The following MYCBP2 variants were observed in gnomAD, a reference collection of about 807,000 sequenced individuals.
The protein encoded by MYCBP2 is MYC binding protein 2.
In MYCBP2, 120 loss-of-function variants were observed where a neutral mutation model predicts 525.3. The observed-to-expected ratio is 0.23, with a 90% CI of 0.20 to 0.27. The LOEUF (loss-of-function observed/expected upper bound fraction) is 0.27. MYCBP2 is among the 10% of genes least tolerant of loss of function. The pLI is 1.00. For synonymous variants in MYCBP2, 1,894 were observed against 1,955.8 expected (o/e 0.97, Z 0.83); for missense variants, 4,149 against 5,657.1 (o/e 0.73, Z 8.55).
At position 77,090,142 on chromosome 13, in the gene MYCBP2, C is replaced by A; in HGVS notation, c.10489G>T (p.Ala3497Ser). 6.2e-7 allele frequency: 1 copy of A among 1,612,410 alleles called. No homozygotes were observed. Among genetic ancestry groups the A allele is most frequent in the African/African-American group, 1.3e-5 (1 of 74,952 alleles). The change falls in exon 60 of 83, where the codon GCT (alanine) becomes TCT (serine). Residue 3497 changes from alanine to serine, a missense_variant. Physicochemically the swap from Ala to Ser is moderately conservative, Grantham distance 99 (BLOSUM62 1). Coordinates refer to ENST00000544440, the MANE Select transcript of MYCBP2 (RefSeq NM_015057.5). ...QHSILPARVKAIPRRRVNSGD... is the reference protein window; with the variant it reads ...QHSILPARVKSIPRRRVNSGD... ...CTGTTAACTCTTCTTCTAGGAATAG[C>A]TTTAACTCGTGCAGGTAAAATGGAG...
intron 17 of MYCBP2, among the ~76,000 whole-genome samples, chr13:77,233,894 G>C (rs918407925): frequency 3.3e-5 from 5 of 151,666 alleles, no homozygotes; most frequent in Non-Finnish European, 7.4e-5. Flanking sequence ...GAGAGAGAGA[G>C]AGAAAGGAGC....
At chr13:77,131,674 AGAT>A (rs1360729159) in intron 52 of MYCBP2, among the ~76,000 whole-genome samples, 1 of 152,206 alleles carries the variant, frequency 6.6e-6, no homozygotes, top group African/African-American at 2.4e-5. Flanking sequence ...ATAATTTCAC[AGAT>A]TATTATAAGC....
chr13:77,208,201 G>A (rs2063571806), intron 23 of MYCBP2, among the ~76,000 whole-genome samples: 1 of 151,992 alleles, frequency 6.6e-6, no homozygotes, highest in Non-Finnish European at 1.5e-5. Context: ...AACCTCTTCA[G>A]AAAAAGTACA....
In MYCBP2 at chr13:77,261,993, T is replaced by C. The variant is rs1300228045; in HGVS notation, c.1647+60A>G. 6.1e-6 allele frequency: 8 copies of C among 1,318,304 alleles called. No homozygotes were observed. The South Asian group carries it at 6.3e-5, about 10-fold the overall frequency. The allele number at this position is 1,318,304 out of a possible 1,614,324, so 81.7% of individuals were successfully genotyped here. ...CAAACTATATAAACTAATCAACAGA[T>C]TGTATTTTAATCTCTTAAATCAGAG... On this transcript the variant is annotated intron_variant, in intron 11 of 82. Transcript: ENST00000544440.
chr13:77,090,285 A>G (rs1339214557), intron 59 of MYCBP2, 22 bp from the exon 60 acceptor site: 12 of 1,574,208 alleles, frequency 7.6e-6, no homozygotes, highest in Non-Finnish European at 1.0e-5. Context: ...ACAATGCAAC[A>G]GATACAAACT....
At chr13:77,196,098 G>C (rs1299500207) in intron 26 of MYCBP2, among the ~76,000 whole-genome samples, 1 of 152,212 alleles carries the variant, frequency 6.6e-6, no homozygotes, top group Non-Finnish European at 1.5e-5. Context: ...ATGAAGCTCT[G>C]AAGGTGATGG....
intron 31 of MYCBP2, 144 bp from the exon 32 acceptor site, chr13:77,185,521 T>A: frequency 1.1e-6 from 1 of 904,456 alleles, no homozygotes; most frequent in Non-Finnish European, 1.6e-6. Context: ...AGATTAAGTG[T>A]AGTCCCAATT....
chr13:77,081,704 A>T lies in MYCBP2; in HGVS notation c.11194-53T>A. On this transcript the variant is annotated intron_variant, in intron 64 of 82. Transcript: ENST00000544440. The surrounding 1 kb of genome is among the most constrained non-coding windows in gnomAD (Gnocchi z 4.6). ...GATACTTAAAAGCAAATCTTTCGTGATGATAAAACAAACAGGTATAAGATA... is the reference window on the plus strand; with the variant it reads ...GATACTTAAAAGCAAATCTTTCGTGTTGATAAAACAAACAGGTATAAGATA... The T allele has an allele frequency of 1.9e-6, 3 of 1,542,662 alleles. No homozygotes were observed. The highest frequency in any genetic ancestry group is 2.6e-6 in the Non-Finnish European group (3 of 1,141,916).
chr13:77,076,687 A>T, intron 68 of MYCBP2, 64 bp downstream of exon 68: 1 of 984,018 alleles, frequency 1.0e-6, no homozygotes, highest in Non-Finnish European at 1.5e-6. Context: ...GCAATAAATG[A>T]ATTATTTCAC....
At chr13:77,272,128 C>T (rs1594534450) in intron 5 of MYCBP2, among the ~76,000 whole-genome samples, 1 of 152,212 alleles carries the variant, frequency 6.6e-6, no homozygotes, top group East Asian at 1.9e-4. Context: ...TATTTGCCAG[C>T]TCTGTATGCT....
At chr13:77,068,408 T>TAAAAAAAAAAAAAAAAA (rs57296816) in intron 70 of MYCBP2, among the ~76,000 whole-genome samples, 157 bp downstream of exon 70, 4 of 146,080 alleles carry the variant, frequency 2.7e-5, no homozygotes, top group African/African-American at 7.8e-5. Context: ...CTATAAACAG[T>TAAAAAAAAAAAAAAAAA]AAAAAAGGGA....
intron 48 of MYCBP2, among the ~76,000 whole-genome samples, chr13:77,145,859 C>T (rs1232327757): frequency 5.3e-5 from 8 of 151,462 alleles, no homozygotes; most frequent in African/African-American, 1.9e-4. Context: ...AGCAAACAAA[C>T]AAAAAACAAA....
intron 57 of MYCBP2, 127 bp from the exon 58 acceptor site, chr13:77,095,729 G>A: frequency 1.7e-6 from 2 of 1,187,946 alleles, no homozygotes; most frequent in Non-Finnish European, 2.3e-6. Flanking sequence ...AAGATAATAA[G>A]ATTATAAAAA....
At chr13:77,109,240 G>A (rs1266241089) in intron 55 of MYCBP2, among the ~76,000 whole-genome samples, 2 of 152,130 alleles carry the variant, frequency 1.3e-5, no homozygotes, top group African/African-American at 4.8e-5. Flanking sequence ...GGGGGTTGGG[G>A]AAATAGTCTC....
At chr13:77,071,235 G>GCGTA (rs1482140722) in intron 68 of MYCBP2, among the ~76,000 whole-genome samples, 2 of 23,278 alleles carry the variant, frequency 8.6e-5, no homozygotes, top group African/African-American at 3.0e-4. Flanking sequence ...ATATATGTGT[G>GCGTA]TGTATATATA....
At chr13:77,178,020 C>T in intron 34 of MYCBP2, 66 bp from the exon 35 acceptor site, 1 of 941,488 alleles carries the variant, frequency 1.1e-6, no homozygotes, top group South Asian at 1.3e-5. Flanking sequence ...CCAAAGGTTT[C>T]TAAGAAGTCT....
At chr13:77,087,429 G>T in intron 62 of MYCBP2, 55 bp downstream of exon 62, 2 of 1,390,708 alleles carry the variant, frequency 1.4e-6, no homozygotes, top group Non-Finnish European at 1.0e-6. Flanking sequence ...CTATTTGAAG[G>T]TATACTACCA....
intron 1 of MYCBP2, among the ~76,000 whole-genome samples, chr13:77,322,540 C>T (rs1006961300): frequency 2.0e-5 from 3 of 152,166 alleles, no homozygotes; most frequent in African/African-American, 7.2e-5. Flanking sequence ...ACATACAGTG[C>T]CATGCTGGTT....
intron 15 of MYCBP2, among the ~76,000 whole-genome samples, chr13:77,246,330 C>T (rs1325532157): frequency 1.3e-5 from 2 of 152,106 alleles, no homozygotes; most frequent in African/African-American, 4.8e-5. Context: ...CTGACTGACA[C>T]TATTTTTAAA....
Sources: gnomAD v4.1 joint callset for allele counts (sites outside exome capture counted in the v4.1 genomes callset) on GRCh38, gnomAD v4.1.1 for gene constraint, Gnocchi (gnomAD v3.1) non-coding constraint, MANE v1.5 for transcripts, NCBI Gene and HGNC (gene_info 2026-07-23, HGNC 2026-07-21) for gene names.